Variants in WNK4 observed in about 807,000 individuals in gnomAD.
WNK4 encodes the protein WNK lysine deficient protein kinase 4.
A neutral mutation model predicts 116.2 loss-of-function variants in WNK4; 94 were observed. The observed-to-expected ratio is 0.81, with a 90% CI of 0.68 to 0.96. WNK4 has a LOEUF of 0.96. WNK4 is among the 40% of genes least tolerant of loss of function. The probability of loss-of-function intolerance (pLI) is 0.00; values close to 1 mark genes in which losing one functional copy is unlikely to be tolerated. For synonymous variants in WNK4, 655 were observed against 672.7 expected, an observed-to-expected ratio of 0.97 and a Z score of 0.41; for missense variants, 1,542 against 1,650.6, an observed-to-expected ratio of 0.93 and a Z score of 1.14.
intron 11 of WNK4, among the ~76,000 whole-genome samples, chr17:42,790,325 G>C (rs1445014253): frequency 1.3e-5 from 2 of 152,166 alleles, no homozygotes; most frequent in Non-Finnish European, 2.9e-5. Flanking sequence ...GGATGTCAAG[G>C]ACAACTTGTA....
chr17:42,785,035 G>A, intron 4 of WNK4, 62 bp from the exon 5 acceptor site: 1 of 1,530,206 alleles, frequency 6.5e-7, no homozygotes, highest in Non-Finnish European at 8.9e-7. Context: ...GGGGTGGGGG[G>A]TGGTGTCAAG....
Position 42,795,853 on chromosome 17 carries a change from T to G in WNK4, c.3251T>G (p.Val1084Gly), listed in dbSNP as rs148648427. The change falls in exon 16 of 19, where the codon GTT becomes GGT. Residue 1084 changes from valine to glycine, a missense_variant. By Grantham distance (109) the Val-to-Gly change is moderately radical (BLOSUM62 -3). Around this residue, in one of 7 missense-constraint regions of WNK4, gnomAD observed 292 missense variants for 290.1 expected, o/e 1.01. Coordinates refer to ENST00000246914, the MANE Select transcript of WNK4 (RefSeq NM_032387.5). ...GCAGCTGAGGGTCTGGGGGCTGGAGTTGAGGAGGAAGGAGATGATGGGAAG... is the reference window on the plus strand; with the variant it reads ...GCAGCTGAGGGTCTGGGGGCTGGAGGTGAGGAGGAAGGAGATGATGGGAAG... ...DRAAEGLGAGVEEEGDDGKEP... is the reference protein window; with the variant it reads ...DRAAEGLGAGGEEEGDDGKEP... The G allele has an allele frequency of 8.7e-5, 140 of 1,611,692 alleles. No individual in the cohort carries two copies. Among genetic ancestry groups the G allele is most frequent in the Non-Finnish European group, 1.2e-4 (136 of 1,179,298 alleles).
chr17:42,795,992 A>G lies in WNK4; in HGVS notation c.3390A>G (p.Glu1130=). ...GCGAGGAGTCAGAAAGCAGTGGGGA[A>G]GATGAGGAGTTCTGGGCTGAGCTGC... ...LSSEESESSG[E]DEEFWAELQS... The change falls in exon 16 of 19, where the codon GAA becomes GAG. Residue 1130 remains glutamate, a synonymous_variant. Coordinates refer to ENST00000246914, the MANE Select transcript of WNK4 (RefSeq NM_032387.5). The G allele has an allele frequency of 1.2e-6, 2 of 1,613,750 alleles. No individual in the cohort carries two copies. The highest frequency in any genetic ancestry group is 2.7e-5 in the African/African-American group (2 of 75,008).
In WNK4 at chr17:42,784,705, G is replaced by A. The variant is rs374106239; in HGVS notation, c.1170+126G>A. On this transcript the variant is annotated intron_variant, in intron 4 of 18. Transcript: ENST00000246914. The surrounding 1 kb of genome is among the most constrained non-coding windows in gnomAD (Gnocchi z 4.4). ...AGGCTAGACACAGAGTCGCCTTGGT[G>A]AACACAGAAGGATATTGAGTGCACA... 94 of 1,246,226 alleles carry A rather than the reference G, an allele frequency of 7.5e-5. No individual in the cohort carries two copies. The East Asian group carries it at 2.2e-3, about 29-fold the overall frequency. The allele number at this position is 1,246,226 out of a possible 1,614,324, so 77.2% of individuals were successfully genotyped here. A position where few individuals can be genotyped will look rare whatever the true frequency, so the allele number is the denominator to read the frequency against.
intron 7 of WNK4, 66 bp downstream of exon 7, chr17:42,787,608 G>A (rs1416665543): frequency 2.1e-5 from 34 of 1,604,424 alleles, no homozygotes; most frequent in Admixed American, 6.7e-5. Context: ...CTACCCAGAA[G>A]TTCACCCCCA....
Position 42,787,409 on chromosome 17 carries a change from G to A in WNK4, c.1608G>A (p.Glu536=). Residue 536 remains glutamate, a synonymous_variant, in exon 7 of 19, where the codon GAG becomes GAA. Transcript: ENST00000246914. ...GGGAATTGGAGGCACTCCCACCAGA[G>A]CCAGGACCTCCACCAGCAACTGTGC... is the stretch of plus-strand genomic sequence containing the variant. ...KARELEALPP[E]PGPPPATVPM... 1 of 1,614,188 alleles carries A rather than the reference G, an allele frequency of 6.2e-7. No individual in the cohort carries two copies. Among genetic ancestry groups the A allele is most frequent in the South Asian group, 1.1e-5 (1 of 91,084 alleles).
At chr17:42,788,464 A>AG in intron 10 of WNK4, 57 bp downstream of exon 10, 1 of 1,565,876 alleles carries the variant, frequency 6.4e-7, no homozygotes, top group Admixed American at 1.7e-5. Flanking sequence ...GGGAAGTGTC[A>AG]GGGGGAGGCG....
At chr17:42,794,019 A>T (rs2054634921) in intron 12 of WNK4, 2 of 370,554 alleles carry the variant, frequency 5.4e-6, no homozygotes, top group Non-Finnish European at 1.0e-5. Flanking sequence ...CACCCGGCTA[A>T]TTTTTTTTGT....
In WNK4 at chr17:42,784,245, TCAAGGTC is replaced by T; in HGVS notation, c.1012+91_1012+97del. 1 of 1,574,460 alleles carries T rather than the reference TCAAGGTC, an allele frequency of 6.4e-7. No individual in the cohort carries two copies. Among genetic ancestry groups the T allele is most frequent in the Non-Finnish European group, 8.7e-7 (1 of 1,152,592 alleles). ...GACTCCCTCCCCTCAGCAAGGGCCT[TCAAGGTC>T]CACAAAACTACCAGACGACAGGGAA... On this transcript the variant is annotated intron_variant, in intron 3 of 18. Transcript: ENST00000246914. The surrounding 1 kb of genome is among the most constrained non-coding windows in gnomAD (Gnocchi z 4.4).
rs2054571968 is a variant in WNK4 at position 42,788,175 on chromosome 17, T to C, written c.1909T>C (p.Ser637Pro). Residue 637 changes from serine to proline, a missense_variant, in exon 9 of 19, where the codon TCC (serine) becomes CCC (proline). By Grantham distance (74) the Ser-to-Pro change is moderately conservative. Transcript: ENST00000246914. ...ACGTTCTGGCCCTGGAAGTGACTTT[T>C]CCCCCGGGGACAGGTATGTTCTGGT... ...IPRSGPGSDF[S>P]PGDSYASDAA... The C allele has an allele frequency of 1.9e-6, 3 of 1,614,172 alleles. No homozygotes were observed. Among genetic ancestry groups the C allele is most frequent in the Non-Finnish European group, 2.5e-6 (3 of 1,180,026 alleles).
intron 8 of WNK4, 115 bp downstream of exon 8, chr17:42,788,014 T>G (rs2054569852): frequency 1.3e-6 from 2 of 1,586,790 alleles, no homozygotes; most frequent in Non-Finnish European, 1.7e-6. Flanking sequence ...CCACCATTCT[T>G]GCCCTCCTCT....
At position 42,784,465 on chromosome 17, in the gene WNK4, C is replaced by T; in HGVS notation, c.1056C>T (p.Tyr352=). The change falls in exon 4 of 19, where the codon TAC becomes TAT. Residue 352 remains tyrosine, a synonymous_variant. Transcript: ENST00000246914. This position sits in a 1 kb window ranked among gnomAD's most constrained non-coding sequence, Gnocchi z 4.4. The part of the protein sequence containing the change: ...FMAPEMYEEK[Y]DEAVDVYAFG... ...CCCCCGAGATGTACGAGGAAAAGTA[C>T]GATGAGGCCGTGGACGTGTACGCGT... The T allele has an allele frequency of 1.9e-6, 3 of 1,613,834 alleles. No individual in the cohort carries two copies. The highest frequency in any genetic ancestry group is 2.5e-6 in the Non-Finnish European group (3 of 1,179,940).
intron 1 of WNK4, among the ~76,000 whole-genome samples, chr17:42,781,613 C>T (rs1205893549): frequency 6.6e-6 from 1 of 152,128 alleles, no homozygotes; most frequent in Non-Finnish European, 1.5e-5. Flanking sequence ...GCAGGGGAGC[C>T]AGTTCAGGTC....
chr17:42,787,034 C>T (rs1217588901), intron 6 of WNK4, among the ~76,000 whole-genome samples: 1 of 152,208 alleles, frequency 6.6e-6, no homozygotes, highest in African/African-American at 2.4e-5. Flanking sequence ...CACTGACTTA[C>T]TGTATAACTA....
At chr17:42,796,426 C>T in intron 17 of WNK4, 55 bp from the exon 18 acceptor site, 1 of 1,613,882 alleles carries the variant, frequency 6.2e-7, no homozygotes, top group Non-Finnish European at 8.5e-7. Context: ...TAGACCCCCT[C>T]TCCCCACCTC....
Position 42,784,338 on chromosome 17 carries a change from C to A in WNK4, c.1013-84C>A. ...TGTGGGCCGGGGTCACTTGCACTCG[C>A]AGGGTTGCCTGGGGCTGCCTAGCCC... On this transcript the variant is annotated intron_variant, in intron 3 of 18. Coordinates refer to ENST00000246914, the MANE Select transcript of WNK4 (RefSeq NM_032387.5). This position sits in a 1 kb window ranked among gnomAD's most constrained non-coding sequence, Gnocchi z 4.4. 1.3e-6 allele frequency: 2 copies of A among 1,576,072 alleles called. No homozygotes were observed. Among genetic ancestry groups the A allele is most frequent in the Non-Finnish European group, 1.7e-6 (2 of 1,158,828 alleles).
Position 42,784,062 on chromosome 17 carries a change from A to G in WNK4, c.917A>G (p.Asp306Gly). ...PPILHRDLKCDNVFITGPTGS... is the reference protein window; with the variant it reads ...PPILHRDLKCGNVFITGPTGS... ...ATCCTGCACCGGGATCTCAAGTGCG[A>G]CAATGTCTTTATCACGGGACCTACT... Residue 306 changes from aspartate to glycine, a missense_variant, in exon 3 of 19, where the codon GAC becomes GGC. By Grantham distance (94) the Asp-to-Gly change is moderately conservative. Transcript: ENST00000246914. The surrounding 1 kb of genome is among the most constrained non-coding windows in gnomAD (Gnocchi z 4.4). 1 of 1,613,720 alleles carries G rather than the reference A, an allele frequency of 6.2e-7. No individual in the cohort carries two copies. The highest frequency in any genetic ancestry group is 1.1e-5 in the South Asian group (1 of 91,086).
Position 42,784,011 on chromosome 17 carries a change from A to C in WNK4, c.866A>C (p.His289Pro), listed in dbSNP as rs780351603. 2 of 1,613,736 alleles carry C rather than the reference A, an allele frequency of 1.2e-6. No homozygotes were observed. Among genetic ancestry groups the C allele is most frequent in the African/African-American group, 2.7e-5 (2 of 74,850 alleles). ...AGCCGCCAAATCCTGCGGGGACTTCATTTCCTACACTCCCGGGTTCCTCCC... is the reference window on the plus strand; with the variant it reads ...AGCCGCCAAATCCTGCGGGGACTTCCTTTCCTACACTCCCGGGTTCCTCCC... ...RWSRQILRGL[H>P]FLHSRVPPIL... Residue 289 changes from histidine (H) to proline (P), a missense_variant, in exon 3 of 19, where the codon CAT (histidine) becomes CCT (proline). Around this residue, in one of 7 missense-constraint regions of WNK4, gnomAD observed 808 missense variants for 873.6 expected, o/e 0.92. Coordinates refer to ENST00000246914, the MANE Select transcript of WNK4 (RefSeq NM_032387.5). This position sits in a 1 kb window ranked among gnomAD's most constrained non-coding sequence, Gnocchi z 4.4.
At chr17:42,786,263 T>G (rs1257450099) in intron 6 of WNK4, among the ~76,000 whole-genome samples, 1 of 152,194 alleles carries the variant, frequency 6.6e-6, no homozygotes, top group Admixed American at 6.5e-5. Flanking sequence ...CCCACCTCCT[T>G]TACTCATTCA....
Sources: allele counts gnomAD v4.1 joint callset (sites outside exome capture counted in the v4.1 genomes callset), GRCh38; gene constraint gnomAD v4.1.1; regional missense constraint gnomAD v4.1.1; non-coding constraint Gnocchi (gnomAD v3.1); transcripts MANE v1.5; gene names NCBI Gene and HGNC (gene_info 2026-07-23, HGNC 2026-07-21).